FGF14: variants seen among roughly 807,000 people sequenced by gnomAD.
FGF14 encodes fibroblast growth factor 14, also known as fibroblast growth factor homologous factor 4.
Under a neutral mutation model 25.5 loss-of-function variants are expected in FGF14, and 5 were observed. That is an observed-to-expected ratio of 0.20 (90% CI 0.10 to 0.41). The LOEUF (loss-of-function observed/expected upper bound fraction) is 0.41. Ranked by LOEUF, FGF14 falls within the 10% of genes least tolerant of loss-of-function variation. The pLI is 1.00. For missense variants in FGF14, 222 were observed against 320.1 expected, an observed-to-expected ratio of 0.69 and a Z score of 2.34; for synonymous variants, 138 against 118.3, an observed-to-expected ratio of 1.17 and a Z score of -1.08.
At chr13:101,846,350 C>T (rs1277485709) in intron 3 of FGF14, among the ~76,000 whole-genome samples, 1 of 151,468 alleles carries the variant, frequency 6.6e-6, no homozygotes, top group Non-Finnish European at 1.5e-5. Flanking sequence ...CTCAGAAAAC[C>T]AGAAAAATTT....
chr13:101,839,906 C>A (rs1469495249), intron 3 of FGF14, among the ~76,000 whole-genome samples: 1 of 152,108 alleles, frequency 6.6e-6, no homozygotes, highest in East Asian at 1.9e-4. Flanking sequence ...AGAACCTACT[C>A]TCTGAGCTAG....
intron 1 of FGF14, among the ~76,000 whole-genome samples, chr13:102,092,333 C>T (rs879021685): frequency 1.3e-5 from 2 of 152,192 alleles, no homozygotes; most frequent in Admixed American, 6.5e-5. Context: ...AAAACTCTCA[C>T]TCTTACCCAC....
chr13:102,224,294 T>A (rs1276983803), intron 1 of FGF14, among the ~76,000 whole-genome samples: 1 of 152,088 alleles, frequency 6.6e-6, no homozygotes, highest in East Asian at 1.9e-4. Flanking sequence ...AAACACCAGA[T>A]TAAAGGAATT....
intron 1 of FGF14, among the ~76,000 whole-genome samples, chr13:102,073,044 C>A (rs565502169): frequency 2.0e-5 from 3 of 152,162 alleles, no homozygotes; most frequent in Non-Finnish European, 4.4e-5. Context: ...CAGTTCAAGA[C>A]CAGCCTGGCC....
At chr13:102,280,328 G>A (rs941670568) in intron 1 of FGF14, among the ~76,000 whole-genome samples, 1 of 152,138 alleles carries the variant, frequency 6.6e-6, no homozygotes, top group African/African-American at 2.4e-5. Flanking sequence ...CCTTTGTTTA[G>A]GAAAATACCT....
At chr13:102,354,321 T>C (rs2057366963) in intron 1 of FGF14, 1 of 152,222 alleles carries the variant, frequency 6.6e-6, no homozygotes, top group African/African-American at 2.4e-5. Context: ...TACAAAAATG[T>C]ACATTCACTG....
chr13:101,764,407 T>A (rs2038247778), intron 3 of FGF14, among the ~76,000 whole-genome samples: 1 of 152,196 alleles, frequency 6.6e-6, no homozygotes, highest in Non-Finnish European at 1.5e-5. Context: ...CATGATTATC[T>A]GAGGTGTGGA....
intron 1 of FGF14, among the ~76,000 whole-genome samples, chr13:102,251,962 G>A (rs548854415): frequency 8.5e-5 from 13 of 152,276 alleles, no homozygotes; most frequent in Non-Finnish European, 1.5e-4. Flanking sequence ...AGCCTACAGA[G>A]GCTATGACCC....
At chr13:102,294,079 C>T (rs2054570448) in intron 1 of FGF14, 1 of 152,104 alleles carries the variant, frequency 6.6e-6, no homozygotes, top group South Asian at 2.1e-4. Context: ...TTAACATCCA[C>T]AAATACCAAG....
At chr13:101,817,032 C>T (rs998833889) in intron 3 of FGF14, among the ~76,000 whole-genome samples, 1 of 152,088 alleles carries the variant, frequency 6.6e-6, no homozygotes, top group African/African-American at 2.4e-5. Flanking sequence ...CAGGCCACAC[C>T]TCACCTGCCT....
intron 1 of FGF14, among the ~76,000 whole-genome samples, chr13:102,326,399 C>A (rs1382989687): frequency 3.9e-5 from 6 of 152,098 alleles, no homozygotes; most frequent in African/African-American, 1.2e-4. Flanking sequence ...AAGAAGAATA[C>A]TGACCTCTTG....
chr13:101,724,631 T>TATATATATATATATATAA (rs1284515756), intron 4 of FGF14, among the ~76,000 whole-genome samples: 3 of 109,142 alleles, frequency 2.7e-5, no homozygotes, highest in Non-Finnish European at 5.6e-5. Context: ...TATATATATA[T>TATATATATATATATATAA]AAAACAAAGA....
intron 1 of FGF14, among the ~76,000 whole-genome samples, chr13:101,966,853 G>T (rs181953118): frequency 2.2e-3 from 337 of 152,294 alleles, no homozygotes; most frequent in African/African-American, 7.9e-3. Context: ...AAGACAGAAG[G>T]ATCGTGAGAC....
intron 3 of FGF14, among the ~76,000 whole-genome samples, chr13:101,728,844 T>TG (rs2035618955): frequency 6.6e-6 from 1 of 152,134 alleles, no homozygotes; most frequent in Non-Finnish European, 1.5e-5. Flanking sequence ...GCTCATCCTG[T>TG]TGCTACAAAC....
At chr13:101,943,660 C>A (rs2035593206) in intron 1 of FGF14, among the ~76,000 whole-genome samples, 1 of 151,978 alleles carries the variant, frequency 6.6e-6, no homozygotes, top group African/African-American at 2.4e-5. Flanking sequence ...ACTCCGTAAG[C>A]CTCTCAATCT....
At chr13:102,038,849 T>G (rs1025569798) in intron 1 of FGF14, among the ~76,000 whole-genome samples, 1 of 152,206 alleles carries the variant, frequency 6.6e-6, no homozygotes, top group African/African-American at 2.4e-5. Flanking sequence ...AAATAAAGTT[T>G]TTAAAGTATT....
chr13:102,392,018 A>G (rs1372852710), intron 1 of FGF14, among the ~76,000 whole-genome samples: 1 of 152,228 alleles, frequency 6.6e-6, no homozygotes, highest in African/African-American at 2.4e-5. Flanking sequence ...CTTAAAGTAC[A>G]ATATTATACC....
chr13:102,090,160 A>G (rs927395088), intron 1 of FGF14, among the ~76,000 whole-genome samples: 1 of 152,236 alleles, frequency 6.6e-6, no homozygotes, highest in African/African-American at 2.4e-5. Context: ...TGTTGTGGAC[A>G]CATACTCATT....
intron 1 of FGF14, among the ~76,000 whole-genome samples, chr13:102,216,156 G>A (rs2050362124): frequency 2.6e-5 from 4 of 152,200 alleles, no homozygotes; most frequent in African/African-American, 4.8e-5. Context: ...AATAGAATTT[G>A]CAGGTGCTAT....
Sources: allele counts gnomAD v4.1 joint callset (sites outside exome capture counted in the v4.1 genomes callset), GRCh38; gene constraint gnomAD v4.1.1; transcripts MANE v1.5; gene names NCBI Gene and HGNC (gene_info 2026-07-23, HGNC 2026-07-21).